UTRN: variants seen among roughly 807,000 people sequenced by gnomAD.
UTRN encodes dystrophin-related protein 1.
Under a neutral mutation model 463.9 loss-of-function variants are expected in UTRN, and 283 were observed. The ratio of observed to expected loss-of-function variants is 0.61; its 90% CI spans 0.55 to 0.67. UTRN has a LOEUF of 0.67. Ranked by LOEUF, UTRN falls within the 30% of genes least tolerant of loss-of-function variation. UTRN has a pLI of 0.00. For synonymous variants in UTRN, 1,442 were observed against 1,431.5 expected (o/e 1.01, Z -0.17); for missense variants, 3,922 against 4,084.3 (o/e 0.96, Z 1.08).
chr6:144,737,148 G>C (rs1157651255), intron 54 of UTRN, among the ~76,000 whole-genome samples: 9 of 152,042 alleles, frequency 5.9e-5, no homozygotes, highest in Non-Finnish European at 1.0e-4. Context: ...AAAATGATCT[G>C]AGCAGCCAGG....
chr6:144,751,251 TG>T lies in UTRN; in HGVS notation c.8209-553del, dbSNP rs369995394. On this transcript the variant is annotated intron_variant, in intron 55 of 74. Coordinates refer to ENST00000367545, the MANE Select transcript of UTRN (RefSeq NM_007124.3). ...GAATCAACATTAGATATCAGTAAAG[TG>T]GAAAATAATGGCATACATTTTCCAG... Among the ~76,000 whole-genome samples, 6 of 152,282 alleles carry T rather than the reference TG, an allele frequency of 3.9e-5. No individual in the cohort carries two copies. In the East Asian group the frequency reaches 7.7e-4, roughly 20 times the overall value.
In UTRN at chr6:144,491,001, G is replaced by T. The variant is rs772359425; in HGVS notation, c.4336G>T (p.Asp1446Tyr). The change falls in exon 32 of 75, where the codon GAC becomes TAC. Residue 1446 changes from aspartate (D) to tyrosine (Y), a missense_variant. Transcript: ENST00000367545. ...KPANFEQRMLDCKRVLDGVKA... is the reference protein window; with the variant it reads ...KPANFEQRMLYCKRVLDGVKA... ...AGCTAACTTCGAGCAGCGCATGCTG[G>T]ACTGCAAGCGTGTGCTGGATGGCGT... is the stretch of plus-strand genomic sequence containing the variant. 14 of 1,613,962 alleles carry T rather than the reference G, an allele frequency of 8.7e-6. No individual in the cohort carries two copies. The highest frequency in any genetic ancestry group is 1.7e-5 in the Admixed American group (1 of 59,966).
Position 144,852,127 on chromosome 6 carries a change from G to T in UTRN, c.*1130G>T, listed in dbSNP as rs1013919937. On this transcript the variant is annotated 3_prime_UTR_variant, in exon 75 of 75. Transcript: ENST00000367545. ...GTGCACGGCTTATTTTACCTTTCGG[G>T]TGAAAGATCAGATGTTTTTATACCC... The T allele has an allele frequency of 6.6e-6, 1 of 152,098 alleles. No individual in the cohort carries two copies. Among genetic ancestry groups the T allele is most frequent in the African/African-American group, 2.4e-5 (1 of 41,426 alleles). The allele number at this position is 152,098 out of a possible 1,614,324, so 9.4% of individuals were successfully genotyped here. A position where few individuals can be genotyped will look rare whatever the true frequency, so the allele number is the denominator to read the frequency against.
At chr6:144,554,010 TAGAAAG>T (rs890291721) in intron 48 of UTRN, among the ~76,000 whole-genome samples, 3 of 148,092 alleles carry the variant, frequency 2.0e-5, no homozygotes, top group African/African-American at 7.5e-5. Flanking sequence ...TGAGGAGAAA[TAGAAAG>T]AGAGAGAAGG....
At chr6:144,549,105 C>T (rs753323494) in intron 47 of UTRN, among the ~76,000 whole-genome samples, 3 of 152,114 alleles carry the variant, frequency 2.0e-5, no homozygotes, top group Admixed American at 6.5e-5. Flanking sequence ...AAACTGATAC[C>T]GTAAAGCTAG....
At chr6:144,764,617 A>AAG (rs1260388370) in intron 58 of UTRN, among the ~76,000 whole-genome samples, 2 of 152,180 alleles carry the variant, frequency 1.3e-5, no homozygotes, top group Non-Finnish European at 2.9e-5. Flanking sequence ...AGATATCTAT[A>AAG]CTTTATAAAG....
chr6:144,830,736 T>TTTTTTG (rs1780604261), intron 69 of UTRN, among the ~76,000 whole-genome samples: 1 of 126,624 alleles, frequency 7.9e-6, no homozygotes, highest in African/African-American at 3.1e-5. Flanking sequence ...TTTGTTTTTT[T>TTTTTTG]TTTGCTTTTT....
intron 2 of UTRN, among the ~76,000 whole-genome samples, chr6:144,309,011 A>G (rs1474915719): frequency 6.6e-6 from 1 of 152,178 alleles, no homozygotes; most frequent in Non-Finnish European, 1.5e-5. Context: ...CAAAGTTATT[A>G]GGGACCTCCT....
In UTRN at chr6:144,424,168, A is replaced by T. The variant is rs1785095630; in HGVS notation, c.405+90A>T. The T allele has an allele frequency of 2.2e-6, 3 of 1,355,594 alleles. No individual in the cohort carries two copies. In the South Asian group the frequency reaches 3.7e-5, roughly 17 times the overall value. The allele number at this position is 1,355,594 out of a possible 1,614,324, so 84.0% of individuals were successfully genotyped here. A position where few individuals can be genotyped will look rare whatever the true frequency, so the allele number is the denominator to read the frequency against. On this transcript the variant is annotated intron_variant, in intron 6 of 74. Transcript: ENST00000367545. ...TAAGGCTGCCGTAACCAAGTACCACAAGCTGCTTGGCTTGAACAACAGAAA... is the reference window on the plus strand; with the variant it reads ...TAAGGCTGCCGTAACCAAGTACCACTAGCTGCTTGGCTTGAACAACAGAAA...
chr6:144,334,567 G>GCCA (rs1326357035), intron 2 of UTRN, among the ~76,000 whole-genome samples: 41 of 152,250 alleles, frequency 2.7e-4, no homozygotes, highest in Middle Eastern at 3.4e-3. Context: ...AGCTGCTGCC[G>GCCA]CCACCTGATA....
intron 28 of UTRN, among the ~76,000 whole-genome samples, chr6:144,486,033 TTA>T (rs1225087175): frequency 2.6e-5 from 4 of 152,236 alleles, no homozygotes; most frequent in Non-Finnish European, 5.9e-5. Context: ...CGATGCTTTG[TTA>T]TTCCTCAGTT....
intron 51 of UTRN, among the ~76,000 whole-genome samples, chr6:144,627,989 C>T (rs750724077): frequency 7.2e-5 from 11 of 152,036 alleles, no homozygotes; most frequent in Admixed American, 6.5e-5. Context: ...TTAGTAGAGA[C>T]GGGGTTTCAC....
At chr6:144,577,428 G>T in intron 51 of UTRN, 140 bp downstream of exon 51, 2 of 877,646 alleles carry the variant, frequency 2.3e-6, no homozygotes, top group South Asian at 4.7e-5. Context: ...GTGAATAATA[G>T]GTTTCTTGAA....
chr6:144,523,616 C>T (rs1796317311), intron 41 of UTRN, among the ~76,000 whole-genome samples: 1 of 152,044 alleles, frequency 6.6e-6, no homozygotes, highest in Admixed American at 6.6e-5. Flanking sequence ...CGGCCTTATG[C>T]CCTGTTTAAT....
At chr6:144,566,837 G>A (rs1585310477) in intron 50 of UTRN, among the ~76,000 whole-genome samples, 2 of 152,062 alleles carry the variant, frequency 1.3e-5, no homozygotes, top group Non-Finnish European at 2.9e-5. Context: ...GAGAGAAAAA[G>A]GAAAAGACTT....
Position 144,491,061 on chromosome 6 carries a change from G to A in UTRN, c.4396G>A (p.Val1466Ile), listed in dbSNP as rs777304440. 2.8e-5 allele frequency: 45 copies of A among 1,613,502 alleles called. No individual in the cohort carries two copies. Among genetic ancestry groups the A allele is most frequent in the Admixed American group, 6.7e-5 (4 of 59,868 alleles). Residue 1466 changes from valine (V) to isoleucine (I), a missense_variant, in exon 32 of 75, where the codon GTA becomes ATA. Around this residue, in one of 3 missense-constraint regions of UTRN, gnomAD observed 2,349 missense variants for 2,303.8 expected, o/e 1.02. Transcript: ENST00000367545. ...ACTTCACGTTCTGGATGTGAAGGAC[G>A]TAGACCCTGACGTCATACAGACGCA... ...AELHVLDVKD[V>I]DPDVIQTHLD... is the part of the protein sequence containing the mutation.
In UTRN at chr6:144,590,953, A is replaced by G. The variant is rs1480671735; in HGVS notation, c.7479+13665A>G. On this transcript the variant is annotated intron_variant, in intron 51 of 74. Transcript: ENST00000367545. ...TAATATTGATAAAATGGTAAAAACA[A>G]AGCCTGGCACATATCTGCTATGTGG... 3.9e-5 allele frequency among the ~76,000 whole-genome samples: 6 copies of G among 152,016 alleles called. No individual in the cohort carries two copies. The East Asian group carries it at 1.2e-3, about 29-fold the overall frequency.
chr6:144,784,993 T>G (rs1301644273), intron 61 of UTRN, among the ~76,000 whole-genome samples: 1 of 152,246 alleles, frequency 6.6e-6, no homozygotes, highest in African/African-American at 2.4e-5. Flanking sequence ...ACAGTTATTC[T>G]TATGACAGTA....
At chr6:144,635,535 C>CTTTTTTTTTTTT (rs1219903798) in intron 51 of UTRN, among the ~76,000 whole-genome samples, 15 of 33,178 alleles carry the variant, frequency 4.5e-4, no homozygotes, top group African/African-American at 1.1e-3. Context: ...TTTTTCTTTT[C>CTTTTTTTTTTTT]TTTTTTTTTT....
Sources: gnomAD v4.1 joint callset for allele counts (sites outside exome capture counted in the v4.1 genomes callset) on GRCh38, gnomAD v4.1.1 for gene constraint, gnomAD v4.1.1 regional missense constraint, MANE v1.5 for transcripts, NCBI Gene and HGNC (gene_info 2026-07-23, HGNC 2026-07-21) for gene names.